NDST4: variants seen among roughly 807,000 people sequenced by gnomAD.
The protein encoded by NDST4 is N-deacetylase and N-sulfotransferase 4, also known as N-heparan sulfate sulfotransferase 4.
Under a neutral mutation model 100.8 loss-of-function variants are expected in NDST4, and 63 were observed. The ratio of observed to expected loss-of-function variants is 0.62; its 90% CI spans 0.51 to 0.77. The LOEUF is 0.77. Among genes scored for constraint, NDST4 ranks in the 30% least tolerant of loss-of-function variants. NDST4 has a pLI of 0.00. For missense variants in NDST4, 943 were observed against 1,018.4 expected (o/e 0.93, Z 1.01); for synonymous variants, 377 against 361.8 (o/e 1.04, Z -0.48).
chr4:114,968,108 A>G (rs971150677), intron 4 of NDST4, among the ~76,000 whole-genome samples: 4 of 152,220 alleles, frequency 2.6e-5, no homozygotes, highest in Admixed American at 6.5e-5. Flanking sequence ...TACATTTACT[A>G]CTAAGAATCC....
At chr4:114,833,234 T>G (rs1723239040) in intron 12 of NDST4, among the ~76,000 whole-genome samples, 1 of 152,220 alleles carries the variant, frequency 6.6e-6, no homozygotes, top group South Asian at 2.1e-4. Context: ...GTCCTACATA[T>G]TGCATTTCAT....
At chr4:114,830,852 GTGCACC>G (rs1278126434) in intron 12 of NDST4, among the ~76,000 whole-genome samples, 3 of 152,116 alleles carry the variant, frequency 2.0e-5, no homozygotes, top group Non-Finnish European at 2.9e-5. Context: ...TATAATACTG[GTGCACC>G]TGCAATTTGC....
chr4:114,865,500 C>T (rs13120543), intron 7 of NDST4, among the ~76,000 whole-genome samples: 53,969 of 152,084 alleles, frequency 0.35, 11,467 homozygotes, highest in Non-Finnish European at 0.48. Flanking sequence ...TCTTATGAAT[C>T]AGTTGTTCTA....
intron 6 of NDST4, among the ~76,000 whole-genome samples, chr4:114,880,647 G>A (rs1361980592): frequency 2.0e-5 from 3 of 152,104 alleles, no homozygotes; most frequent in African/African-American, 7.2e-5. Flanking sequence ...TGCTTAATAA[G>A]TGCCTGGCAG....
At chr4:114,957,953 T>A (rs1398617416) in intron 4 of NDST4, among the ~76,000 whole-genome samples, 1 of 152,226 alleles carries the variant, frequency 6.6e-6, no homozygotes, top group Non-Finnish European at 1.5e-5. Flanking sequence ...TAGAGCCCCC[T>A]TCCTGGCTGC....
intron 2 of NDST4, among the ~76,000 whole-genome samples, chr4:115,062,558 G>A (rs1578492486): frequency 1.3e-5 from 2 of 151,442 alleles, no homozygotes; most frequent in South Asian, 4.1e-4. Context: ...AAAAAGACAT[G>A]AAATATACTA....
rs561620873 is a variant in NDST4, at chr4:115,077,954, G to A, written c.-246-672C>T. Among the ~76,000 whole-genome samples the A allele has an allele frequency of 1.1e-4, 16 of 152,236 alleles. No individual in the cohort carries two copies. In the East Asian group the frequency reaches 3.1e-3, roughly 29 times the overall value. Reference sequence around the variant, plus strand: ...AGGTGAAAAGAACAATGACATGTTAGTCTCAAAGCATATTTCCTAATTTTG... The same window carrying A: ...AGGTGAAAAGAACAATGACATGTTAATCTCAAAGCATATTTCCTAATTTTG... On this transcript the variant is annotated intron_variant, in intron 1 of 13. Transcript: ENST00000264363.
intron 13 of NDST4, among the ~76,000 whole-genome samples, chr4:114,828,606 C>A (rs1723131113): frequency 6.6e-6 from 1 of 151,914 alleles, no homozygotes; most frequent in African/African-American, 2.4e-5. Context: ...ATTTATCTTT[C>A]ATCTACACAG....
At chr4:115,082,179 G>C (rs929414181) in intron 1 of NDST4, among the ~76,000 whole-genome samples, 1 of 151,996 alleles carries the variant, frequency 6.6e-6, no homozygotes, top group African/African-American at 2.4e-5. Context: ...TTATCACCTA[G>C]GTAGTGGAAT....
intron 6 of NDST4, among the ~76,000 whole-genome samples, chr4:114,898,737 C>A (rs1217749707): frequency 1.4e-5 from 2 of 142,468 alleles, no homozygotes; most frequent in African/African-American, 5.9e-5. Context: ...GTTTTCCTCA[C>A]GTAAATTTTG....
intron 4 of NDST4, 61 bp from the exon 5 acceptor site, chr4:114,937,564 T>C (rs1050701085): frequency 1.5e-6 from 2 of 1,340,750 alleles, no homozygotes; most frequent in African/African-American, 1.5e-5. Flanking sequence ...GTGAAAATCA[T>C]TTCCACCAAC....
intron 2 of NDST4, among the ~76,000 whole-genome samples, chr4:114,988,455 G>T (rs544529020): frequency 7.4e-6 from 1 of 135,932 alleles, no homozygotes; most frequent in African/African-American, 2.8e-5. Flanking sequence ...TCCACCTCCC[G>T]GGTTCATGCC....
At chr4:114,869,402 A>G (rs561245531) in intron 7 of NDST4, among the ~76,000 whole-genome samples, 1 of 152,198 alleles carries the variant, frequency 6.6e-6, no homozygotes, top group Admixed American at 6.6e-5. Context: ...TATTTTATAT[A>G]AACATTTGTG....
intron 1 of NDST4, among the ~76,000 whole-genome samples, chr4:115,085,486 G>A (rs1346514088): frequency 2.0e-5 from 3 of 152,106 alleles, no homozygotes; most frequent in Admixed American, 1.3e-4. Flanking sequence ...ATCTCATCTC[G>A]AATTGTAGTT....
intron 2 of NDST4, among the ~76,000 whole-genome samples, chr4:115,052,617 G>A (rs1296942888): frequency 6.6e-6 from 1 of 151,574 alleles, no homozygotes; most frequent in Non-Finnish European, 1.5e-5. Flanking sequence ...CCTCCCGTAA[G>A]ACGTGACTTT....
chr4:114,951,324 C>A (rs1007563408), intron 4 of NDST4, among the ~76,000 whole-genome samples: 1 of 151,964 alleles, frequency 6.6e-6, no homozygotes, highest in Non-Finnish European at 1.5e-5. Context: ...TGACCACTTT[C>A]AGTATGGGGT....
intron 8 of NDST4, among the ~76,000 whole-genome samples, chr4:114,850,380 G>A (rs1200187125): frequency 1.3e-5 from 2 of 152,070 alleles, no homozygotes; most frequent in African/African-American, 4.8e-5. Context: ...GACATCAAGA[G>A]GCATCTGATA....
intron 1 of NDST4, among the ~76,000 whole-genome samples, chr4:115,105,794 C>T (rs540624565): frequency 2.0e-5 from 3 of 152,234 alleles, no homozygotes; most frequent in South Asian, 2.1e-4. Flanking sequence ...CCGTACCTTT[C>T]GTAGCTTAGT....
rs142660428 is a variant in NDST4 at position 114,932,857 on chromosome 4, T to A, written c.1536+2349A>T. 3.6e-3 allele frequency among the ~76,000 whole-genome samples: 542 copies of A among 152,208 alleles called. 4 individuals are homozygous for A. Among genetic ancestry groups the A allele is most frequent in the African/African-American group, 0.012 (493 of 41,570 alleles). ...CTAACAGACAATCATCCCAACTTCA[T>A]GGATTGAGCGAATTAATAGTGTTAA... On this transcript the variant is annotated intron_variant, in intron 6 of 13. Coordinates refer to ENST00000264363, the MANE Select transcript of NDST4 (RefSeq NM_022569.3).
Sources: allele counts gnomAD v4.1 joint callset (sites outside exome capture counted in the v4.1 genomes callset), GRCh38; gene constraint gnomAD v4.1.1; transcripts MANE v1.5; gene names NCBI Gene and HGNC (gene_info 2026-07-23, HGNC 2026-07-21).